The following FAT3 variants were observed in gnomAD, a reference collection of about 807,000 sequenced individuals.
FAT3 encodes the protein protocadherin Fat 3.
A neutral mutation model predicts 310.2 loss-of-function variants in FAT3; 95 were observed. The ratio of observed to expected loss-of-function variants is 0.31; its 90% CI spans 0.26 to 0.36. The LOEUF (loss-of-function observed/expected upper bound fraction) is 0.36. FAT3 is among the 10% of genes least tolerant of loss of function. The pLI, the probability that FAT3 is intolerant of heterozygous loss-of-function variation, is 1.00. For missense variants in FAT3, 5,408 were observed against 5,715.6 expected, an observed-to-expected ratio of 0.95 and a Z score of 1.74; for synonymous variants, 2,314 against 2,192.9, an observed-to-expected ratio of 1.06 and a Z score of -1.54.
intron 2 of FAT3, among the ~76,000 whole-genome samples, chr11:92,401,168 C>G (rs947632297): frequency 6.6e-6 from 1 of 152,150 alleles, no homozygotes; most frequent in Non-Finnish European, 1.5e-5. Flanking sequence ...GGATACTTTA[C>G]TAGTTATTTT....
intron 2 of FAT3, among the ~76,000 whole-genome samples, chr11:92,475,769 G>A (rs1337028024): frequency 6.6e-6 from 1 of 152,150 alleles, no homozygotes; most frequent in Non-Finnish European, 1.5e-5. Flanking sequence ...ACATATTTAT[G>A]AGTATGAATT....
intron 2 of FAT3, among the ~76,000 whole-genome samples, chr11:92,416,747 A>G (rs976192637): frequency 6.6e-6 from 1 of 152,198 alleles, no homozygotes; most frequent in African/African-American, 2.4e-5. Flanking sequence ...GTCACCTGTG[A>G]GATGCCCTTG....
At chr11:92,234,639 C>T (rs549793698) in intron 1 of FAT3, among the ~76,000 whole-genome samples, 2 of 152,202 alleles carry the variant, frequency 1.3e-5, no homozygotes, top group African/African-American at 4.8e-5. Context: ...CACGGTGGCT[C>T]ATGCCTGTAA....
chr11:92,719,336 C>T (rs1944786888), intron 4 of FAT3, among the ~76,000 whole-genome samples: 1 of 152,070 alleles, frequency 6.6e-6, no homozygotes. Context: ...TATTATCTAC[C>T]AGTTCTTGTC....
At chr11:92,445,251 G>A (rs1454214866) in intron 2 of FAT3, among the ~76,000 whole-genome samples, 1 of 152,166 alleles carries the variant, frequency 6.6e-6, no homozygotes, top group African/African-American at 2.4e-5. Context: ...TAGCTCTCAA[G>A]CCCAGCTGTG....
At chr11:92,725,627 T>C (rs1399464442) in intron 4 of FAT3, among the ~76,000 whole-genome samples, 1 of 152,194 alleles carries the variant, frequency 6.6e-6, no homozygotes, top group Non-Finnish European at 1.5e-5. Flanking sequence ...TCTAGCATCT[T>C]AAAAGACACC....
Position 92,629,845 on chromosome 11 carries a change from T to C in FAT3, c.3608-67539T>C, listed in dbSNP as rs527976395. Among the ~76,000 whole-genome samples the C allele has an allele frequency of 2.6e-5, 4 of 152,242 alleles. No homozygotes were observed. In the South Asian group the frequency reaches 6.2e-4, roughly 24 times the overall value. The stretch of plus-strand genomic sequence containing the variant: ...TGTGCCAAGTGTCTTGAAATAATAG[T>C]CTACTGTTCCCAAACAACATGTACA... On this transcript the variant is annotated intron_variant, in intron 3 of 27. Coordinates refer to ENST00000525166, the MANE Select transcript of FAT3 (RefSeq NM_001367949.2).
intron 7 of FAT3, among the ~76,000 whole-genome samples, chr11:92,786,906 T>C (rs926097400): frequency 1.3e-5 from 2 of 152,030 alleles, no homozygotes; most frequent in African/African-American, 4.8e-5. Flanking sequence ...ACTGGAAGAG[T>C]ATCTCTGTAC....
chr11:92,866,851 G>A lies in FAT3; in HGVS notation c.11769G>A (p.Glu3923=). The A allele has an allele frequency of 3.7e-6, 6 of 1,613,930 alleles. No individual in the cohort carries two copies. Among genetic ancestry groups the A allele is most frequent in the Non-Finnish European group, 5.1e-6 (6 of 1,179,882 alleles). ...NDGSWHSVFL[E]LNRNFTSLSL... ...GGAGCTGGCACTCGGTCTTCCTGGA[G>A]CTCAACCGCAATTTCACGAGCCTGT... Residue 3923 remains glutamate, a synonymous_variant, in exon 22 of 28, where the codon GAG becomes GAA. Coordinates refer to ENST00000525166, the MANE Select transcript of FAT3 (RefSeq NM_001367949.2).
chr11:92,728,439 G>T (rs889065016), intron 4 of FAT3, among the ~76,000 whole-genome samples: 2 of 152,174 alleles, frequency 1.3e-5, no homozygotes, highest in Admixed American at 6.5e-5. Context: ...TTTGCTTGCA[G>T]TGTTTACAAA....
intron 1 of FAT3, among the ~76,000 whole-genome samples, chr11:92,319,453 C>A (rs1947551452): frequency 6.6e-6 from 1 of 152,118 alleles, no homozygotes; most frequent in Non-Finnish European, 1.5e-5. Context: ...CAACAATAAA[C>A]CATTGTTTCT....
chr11:92,800,352 A>C lies in FAT3; in HGVS notation c.7339A>C (p.Lys2447Gln), dbSNP rs763834064. The change falls in exon 10 of 28, where the codon AAG (lysine) becomes CAG (glutamine). Residue 2447 changes from lysine to glutamine, a missense_variant. Lys to Gln is a moderately conservative substitution (Grantham distance 53). Transcript: ENST00000525166. ...NDRTSFLMDSKSGVITLSNHR... is the reference protein window; with the variant it reads ...NDRTSFLMDSQSGVITLSNHR... ...CCGGACGAGCTTTCTGATGGACAGC[A>C]AGAGTGGAGTTATCACATTGTCCAA... The C allele has an allele frequency of 6.2e-7, 1 of 1,614,002 alleles. No individual in the cohort carries two copies. The highest frequency in any genetic ancestry group is 1.1e-5 in the South Asian group (1 of 91,090).
chr11:92,385,619 C>T (rs903267023), intron 2 of FAT3, among the ~76,000 whole-genome samples: 4 of 152,018 alleles, frequency 2.6e-5, no homozygotes, highest in Admixed American at 6.6e-5. Context: ...CCACCTGCCT[C>T]GGCCTACCAA....
chr11:92,465,144 A>G (rs1182858121), intron 2 of FAT3, among the ~76,000 whole-genome samples: 4 of 152,146 alleles, frequency 2.6e-5, no homozygotes, highest in Non-Finnish European at 5.9e-5. Flanking sequence ...AAGGAAAAAA[A>G]TTTGCAGTAT....
intron 2 of FAT3, among the ~76,000 whole-genome samples, chr11:92,479,994 G>A (rs1443936992): frequency 6.6e-6 from 1 of 152,078 alleles, no homozygotes; most frequent in Admixed American, 6.5e-5. Flanking sequence ...GGCTGGGCGC[G>A]GTTGCTCTCA....
chr11:92,380,573 C>A (rs1338144212), intron 2 of FAT3, among the ~76,000 whole-genome samples: 1 of 152,162 alleles, frequency 6.6e-6, no homozygotes, highest in Non-Finnish European at 1.5e-5. Context: ...TAATACACAG[C>A]CAACACAATT....
chr11:92,447,229 G>A (rs938836163), intron 2 of FAT3, among the ~76,000 whole-genome samples: 6 of 145,650 alleles, frequency 4.1e-5, no homozygotes, highest in Admixed American at 2.0e-4. Flanking sequence ...GTGCGTGTGT[G>A]TGTGTGTGTG....
chr11:92,694,126 G>C (rs964653731), intron 3 of FAT3, among the ~76,000 whole-genome samples: 1 of 152,130 alleles, frequency 6.6e-6, no homozygotes, highest in Non-Finnish European at 1.5e-5. Context: ...AATATTTACA[G>C]AATTATGCAA....
chr11:92,359,552 A>G (rs567555875), intron 2 of FAT3, among the ~76,000 whole-genome samples: 6 of 151,152 alleles, frequency 4.0e-5, no homozygotes, highest in Non-Finnish European at 8.8e-5. Context: ...ATATGTATAC[A>G]TGTGCCATGC....
Sources: gnomAD v4.1 joint callset for allele counts (sites outside exome capture counted in the v4.1 genomes callset) on GRCh38, gnomAD v4.1.1 for gene constraint, MANE v1.5 for transcripts, NCBI Gene and HGNC (gene_info 2026-07-23, HGNC 2026-07-21) for gene names.